Variants in ARB2A observed in about 807,000 individuals in gnomAD.
ARB2A encodes the protein cotranscriptional regulator ARB2A.
At chr5:93,957,753 T>TA in the ARB2A span, among the ~76,000 whole-genome samples, 1 of 152,082 alleles carries the variant, frequency 6.6e-6, no homozygotes, top group African/African-American at 2.4e-5. Context: ...TTCTCATTTC[T>TA]GAGTTAACAG....
chr5:94,070,220 T>C, the ARB2A span, among the ~76,000 whole-genome samples: 2 of 152,064 alleles, frequency 1.3e-5, no homozygotes, highest in Non-Finnish European at 2.9e-5. Context: ...TTAAGTGAAA[T>C]AAGTCAGGTA....
the ARB2A span, among the ~76,000 whole-genome samples, chr5:93,963,697 T>G: frequency 1.3e-4 from 20 of 151,998 alleles, no homozygotes; most frequent in African/African-American, 3.9e-4. Flanking sequence ...AATGAACTAC[T>G]TTCATTAAGT....
the ARB2A span, among the ~76,000 whole-genome samples, chr5:94,094,187 A>T: frequency 6.6e-6 from 1 of 152,226 alleles, no homozygotes; most frequent in Non-Finnish European, 1.5e-5. Context: ...GGTTGCTTAA[A>T]CAAGATAAAT....
chr5:93,986,224 G>A, the ARB2A span, among the ~76,000 whole-genome samples: 19 of 151,564 alleles, frequency 1.3e-4, no homozygotes, highest in African/African-American at 3.2e-4. Flanking sequence ...CCCTCTGCCC[G>A]GCTGCCCGGT....
the ARB2A span, among the ~76,000 whole-genome samples, chr5:93,688,239 G>T: frequency 1.3e-5 from 2 of 152,182 alleles, no homozygotes; most frequent in Non-Finnish European, 2.9e-5. Flanking sequence ...CTCCTAAAGT[G>T]CTGGGATTAC....
the ARB2A span, among the ~76,000 whole-genome samples, chr5:94,059,385 G>T: frequency 6.6e-6 from 1 of 151,990 alleles, no homozygotes; most frequent in Non-Finnish European, 1.5e-5. Context: ...CACTTTGGGA[G>T]GCCAAGGTGG....
At chr5:93,772,174 G>A in the ARB2A span, among the ~76,000 whole-genome samples, 2 of 152,092 alleles carry the variant, frequency 1.3e-5, no homozygotes, top group African/African-American at 4.8e-5. Context: ...GATGAAATTG[G>A]AAATCATCAT....
the ARB2A span, among the ~76,000 whole-genome samples, chr5:93,770,078 T>G: frequency 1.3e-5 from 2 of 152,170 alleles, no homozygotes; most frequent in Non-Finnish European, 2.9e-5. Flanking sequence ...TTGTCTTCAA[T>G]GAGCATTTTA....
At chr5:93,688,773 G>C in the ARB2A span, among the ~76,000 whole-genome samples, 1 of 152,028 alleles carries the variant, frequency 6.6e-6, no homozygotes, top group African/African-American at 2.4e-5. Context: ...CAAACCAAAA[G>C]CCTGGACACC....
the ARB2A span, among the ~76,000 whole-genome samples, chr5:93,668,835 T>A: frequency 2.6e-5 from 4 of 152,136 alleles, no homozygotes; most frequent in African/African-American, 9.7e-5. Context: ...CATCAGACCA[T>A]GAAAGAGACA....
the ARB2A span, among the ~76,000 whole-genome samples, chr5:93,992,876 CAT>C: frequency 1.9e-4 from 29 of 151,956 alleles, no homozygotes; most frequent in African/African-American, 7.0e-4. Flanking sequence ...AAAAACAAAA[CAT>C]AAACTATTAA....
chr5:93,955,865 T>G, the ARB2A span, among the ~76,000 whole-genome samples: 1 of 152,194 alleles, frequency 6.6e-6, no homozygotes, highest in East Asian at 1.9e-4. Context: ...CACTGCCTCT[T>G]GGGCATGAAT....
the ARB2A span, among the ~76,000 whole-genome samples, chr5:93,803,114 G>A: frequency 6.6e-6 from 1 of 152,046 alleles, no homozygotes; most frequent in South Asian, 2.1e-4. Flanking sequence ...GCTTAGATAG[G>A]TGATAGTGAA....
the ARB2A span, among the ~76,000 whole-genome samples, chr5:93,643,126 C>CAAA: frequency 5.3e-5 from 8 of 151,950 alleles, no homozygotes; most frequent in African/African-American, 1.9e-4. Flanking sequence ...AATTTTTGTC[C>CAAA]AAAAAGTATT....
At chr5:94,030,291 A>G in the ARB2A span, among the ~76,000 whole-genome samples, 2 of 152,252 alleles carry the variant, frequency 1.3e-5, no homozygotes, top group African/African-American at 4.8e-5. Flanking sequence ...TCAGAAGGCT[A>G]AAATCAAAGT....
chr5:93,923,527 A>C, the ARB2A span, among the ~76,000 whole-genome samples: 1 of 152,202 alleles, frequency 6.6e-6, no homozygotes, highest in Non-Finnish European at 1.5e-5. Context: ...GTAAATAAAT[A>C]ACACAGTTAT....
the ARB2A span, among the ~76,000 whole-genome samples, chr5:93,707,870 C>T: frequency 2.0e-5 from 3 of 151,970 alleles, no homozygotes; most frequent in African/African-American, 7.2e-5. Context: ...CCACCGCGCT[C>T]GACCAGTATT....
At chr5:93,926,669 T>C in the ARB2A span, among the ~76,000 whole-genome samples, 2 of 152,080 alleles carry the variant, frequency 1.3e-5, no homozygotes, top group African/African-American at 4.8e-5. Context: ...GTGGGTTTCT[T>C]GAATGCTAAT....
chr5:94,004,726 CAAATACTG>C, the ARB2A span, among the ~76,000 whole-genome samples: 11 of 151,688 alleles, frequency 7.3e-5, no homozygotes, highest in South Asian at 2.1e-4. Flanking sequence ...ACTGAATTAG[CAAATACTG>C]AAATATATAG....
Sources: gnomAD v4.1 joint callset for allele counts (sites outside exome capture counted in the v4.1 genomes callset) on GRCh38, gnomAD v4.1.1 for gene constraint, MANE v1.5 for transcripts, NCBI Gene and HGNC (gene_info 2026-07-23, HGNC 2026-07-21) for gene names.